Variants in PPM1H observed in about 807,000 individuals in gnomAD.
PPM1H encodes the protein protein phosphatase 1H.
PPM1H carries 27 observed loss-of-function variants against 54.9 expected under a neutral mutation model. That is an observed-to-expected ratio of 0.49 (90% CI 0.36 to 0.68). The LOEUF is 0.68. Among genes scored for constraint, PPM1H ranks in the 30% least tolerant of loss-of-function variants. The pLI, the probability that PPM1H is intolerant of heterozygous loss-of-function variation, is 0.00. For missense variants in PPM1H, 596 were observed against 667.8 expected (o/e 0.89, Z 1.19); for synonymous variants, 305 against 270.8 (o/e 1.13, Z -1.24).
At chr12:62,707,948 A>T (rs1322142804) in intron 6 of PPM1H, among the ~76,000 whole-genome samples, 2 of 152,240 alleles carry the variant, frequency 1.3e-5, no homozygotes, top group African/African-American at 2.4e-5. Context: ...CCATCTCAGC[A>T]GAATCTGAAC....
In PPM1H at chr12:62,825,834, T is replaced by G. The variant is rs532306342; in HGVS notation, c.411+6280A>C. ...CCAACATGGCACACATATACCTACG[T>G]AACAAACCTGCATATTGTGCGCATG... On this transcript the variant is annotated intron_variant, in intron 2 of 9. Transcript: ENST00000228705. 8.1e-4 allele frequency among the ~76,000 whole-genome samples: 123 copies of G among 151,784 alleles called. 2 individuals carry two copies. The South Asian group carries it at 0.025, about 31-fold the overall frequency.
chr12:62,673,674 T>A (rs1379638621), intron 8 of PPM1H, among the ~76,000 whole-genome samples: 1 of 149,966 alleles, frequency 6.7e-6, no homozygotes, highest in Non-Finnish European at 1.5e-5. Context: ...TTGCTTCAGG[T>A]CTCTGCTTCT....
intron 1 of PPM1H, among the ~76,000 whole-genome samples, chr12:62,888,294 A>G (rs1267010029): frequency 6.6e-6 from 1 of 152,174 alleles, no homozygotes; most frequent in African/African-American, 2.4e-5. Context: ...AAAGGCATTG[A>G]AAATTCAGAG....
In PPM1H at chr12:62,934,644, T is replaced by C. The variant is rs750202904; in HGVS notation, c.93A>G (p.Gly31=). 5 of 1,594,804 alleles carry C rather than the reference T, an allele frequency of 3.1e-6. No individual in the cohort carries two copies. Among genetic ancestry groups the C allele is most frequent in the Non-Finnish European group, 4.3e-6 (5 of 1,172,274 alleles). The part of the protein sequence containing the change: ...SGSEHGGGSC[G]GSDLPLRFPY... ...GGAAACGCAGGGGCAGGTCCGAGCC[T>C]CCGCAGCTGCCGCCGCCGTGCTCGG... Residue 31 remains glycine, a synonymous_variant, in exon 1 of 10, where the codon GGA becomes GGG. Transcript: ENST00000228705. This position sits in a 1 kb window ranked among gnomAD's most constrained non-coding sequence, Gnocchi z 4.2.
chr12:62,749,147 G>A (rs2076427573), intron 4 of PPM1H, among the ~76,000 whole-genome samples: 1 of 152,190 alleles, frequency 6.6e-6, no homozygotes. Context: ...TATTGAGCAA[G>A]GCCCCCAATG....
chr12:62,737,634 T>C (rs2076357871), intron 4 of PPM1H, 48 bp from the exon 5 acceptor site: 1 of 1,316,190 alleles, frequency 7.6e-7, no homozygotes, highest in Non-Finnish European at 1.1e-6. Context: ...ATAAATGCTC[T>C]GATTCTGTTA....
chr12:62,874,854 C>G (rs907289624), intron 1 of PPM1H, among the ~76,000 whole-genome samples: 1 of 152,206 alleles, frequency 6.6e-6, no homozygotes, highest in Non-Finnish European at 1.5e-5. Flanking sequence ...ACTGTCTCGC[C>G]ATTTTCAGTC....
At position 62,887,529 on chromosome 12, in the gene PPM1H, A is replaced by G. The variant is rs139778149; in HGVS notation, c.245+46963T>C. Among the ~76,000 whole-genome samples the G allele has an allele frequency of 1.2e-3, 184 of 152,360 alleles. 1 individual carries two copies. Among genetic ancestry groups the G allele is most frequent in the African/African-American group, 4.4e-3 (181 of 41,580 alleles). ...ATTTGTTTATTCACTTGACATATTT[A>G]TTAAGCACTATACTAAGTGCTAGGC... On this transcript the variant is annotated intron_variant, in intron 1 of 9. Transcript: ENST00000228705.
intron 1 of PPM1H, among the ~76,000 whole-genome samples, chr12:62,929,418 C>T (rs1169846398): frequency 6.6e-6 from 1 of 152,152 alleles, no homozygotes; most frequent in African/African-American, 2.4e-5. Flanking sequence ...ATAAAGGCAC[C>T]AGAGTTTATT....
In PPM1H at chr12:62,842,673, A is replaced by C. The variant is rs377487714; in HGVS notation, c.246-10394T>G. Among the ~76,000 whole-genome samples, 3 of 152,226 alleles carry C rather than the reference A, an allele frequency of 2.0e-5. No individual in the cohort carries two copies. The East Asian group carries it at 5.8e-4, about 29-fold the overall frequency. ...ATACAGAAGGGGACTGTTATGTAGT[A>C]AGGAGGGTTTTAAGCCCTAACTTGG... On this transcript the variant is annotated intron_variant, in intron 1 of 9. Transcript: ENST00000228705.
chr12:62,717,869 A>T (rs2076244019), intron 6 of PPM1H, among the ~76,000 whole-genome samples: 2 of 152,228 alleles, frequency 1.3e-5, no homozygotes, highest in African/African-American at 4.8e-5. Context: ...AGTAACAATG[A>T]GCTGTTCTTC....
At chr12:62,825,954 G>A (rs1413148493) in intron 2 of PPM1H, among the ~76,000 whole-genome samples, 1 of 151,168 alleles carries the variant, frequency 6.6e-6, no homozygotes, top group Non-Finnish European at 1.5e-5. Flanking sequence ...CACAGGAAAT[G>A]ACATTCCTTC....
Position 62,678,323 on chromosome 12 carries a change from T to C in PPM1H, c.1246-10994A>G, listed in dbSNP as rs540222806. Among the ~76,000 whole-genome samples the C allele has an allele frequency of 9.1e-4, 138 of 152,328 alleles. No homozygotes were observed. In the South Asian group the frequency reaches 0.029, roughly 32 times the overall value. ...AAATATAAAAAAGATATAGCATATTTAGCTGAAACATCCAAATGAAATTAT... is the reference window on the plus strand; with the variant it reads ...AAATATAAAAAAGATATAGCATATTCAGCTGAAACATCCAAATGAAATTAT... On this transcript the variant is annotated intron_variant, in intron 8 of 9. Transcript: ENST00000228705.
intron 1 of PPM1H, among the ~76,000 whole-genome samples, chr12:62,834,599 G>C (rs960313197): frequency 6.6e-6 from 1 of 152,178 alleles, no homozygotes; most frequent in Admixed American, 6.5e-5. Flanking sequence ...GCCTTTCCCA[G>C]CATCTCTGGC....
chr12:62,743,959 C>T (rs1565775610), intron 4 of PPM1H, among the ~76,000 whole-genome samples: 1 of 152,038 alleles, frequency 6.6e-6, no homozygotes, highest in African/African-American at 2.4e-5. Context: ...ACATTGATTA[C>T]AATTATAATT....
intron 8 of PPM1H, among the ~76,000 whole-genome samples, chr12:62,680,955 T>C (rs1245846260): frequency 6.6e-6 from 1 of 152,120 alleles, no homozygotes; most frequent in African/African-American, 2.4e-5. Context: ...GTGGTGCTTG[T>C]TCCCTCTGCT....
At chr12:62,655,738 G>A (rs1387752152) in intron 9 of PPM1H, among the ~76,000 whole-genome samples, 1 of 152,212 alleles carries the variant, frequency 6.6e-6, no homozygotes, top group Non-Finnish European at 1.5e-5. Flanking sequence ...TGGAAGCTGT[G>A]TGTGGAGCAG....
At chr12:62,822,929 C>G (rs914422126) in intron 2 of PPM1H, among the ~76,000 whole-genome samples, 1 of 151,940 alleles carries the variant, frequency 6.6e-6, no homozygotes. Context: ...CACAAAAAAC[C>G]CTTCAAAAAA....
chr12:62,861,470 C>T (rs1869598756), intron 1 of PPM1H, among the ~76,000 whole-genome samples: 1 of 152,162 alleles, frequency 6.6e-6, no homozygotes, highest in African/African-American at 2.4e-5. Context: ...ATAGCCATCC[C>T]CTTTTCTATT....
Sources: allele counts gnomAD v4.1 joint callset (sites outside exome capture counted in the v4.1 genomes callset), GRCh38; gene constraint gnomAD v4.1.1; non-coding constraint Gnocchi (gnomAD v3.1); transcripts MANE v1.5; gene names NCBI Gene and HGNC (gene_info 2026-07-23, HGNC 2026-07-21).